Variants in SHANK2 observed in about 807,000 individuals in gnomAD.
SHANK2 encodes SH3 and multiple ankyrin repeat domains protein 2.
A neutral mutation model predicts 133.7 loss-of-function variants in SHANK2; 43 were observed. That is an observed-to-expected ratio of 0.32 (90% CI 0.25 to 0.41). The LOEUF is 0.41. Among genes scored for constraint, SHANK2 ranks in the 10% least tolerant of loss-of-function variants. The pLI, the probability that SHANK2 is intolerant of heterozygous loss-of-function variation, is 1.00. For synonymous variants in SHANK2, 1,017 were observed against 952.8 expected, an observed-to-expected ratio of 1.07 and a Z score of -1.24; for missense variants, 1,994 against 2,235.8, an observed-to-expected ratio of 0.89 and a Z score of 2.18.
At position 70,479,516 on chromosome 11, in the gene SHANK2, G is replaced by A. The variant is rs2058705311; in HGVS notation, c.4979+5798C>T. Among the ~76,000 whole-genome samples the A allele has an allele frequency of 6.6e-6, 1 of 152,202 alleles. No homozygotes were observed. Among genetic ancestry groups the A allele is most frequent in the Non-Finnish European group, 1.5e-5 (1 of 68,036 alleles). On this transcript the variant is annotated intron_variant, in intron 25 of 25. Coordinates refer to ENST00000601538, the MANE Select transcript of SHANK2 (RefSeq NM_012309.5). This position sits in a 1 kb window ranked among gnomAD's most constrained non-coding sequence, Gnocchi z 4.4. ...GGCCTCTGGGACCTGGAGTTTCACA[G>A]GACAAATCTCCCTGAAGCCCATCCA...
intron 17 of SHANK2, among the ~76,000 whole-genome samples, chr11:70,541,495 C>T (rs941807337): frequency 3.9e-4 from 60 of 152,314 alleles, no homozygotes; most frequent in Admixed American, 9.8e-4. Flanking sequence ...AGCTAGGACA[C>T]GGTGAGTGAT....
At chr11:70,636,028 C>T (rs2061074974) in intron 17 of SHANK2, among the ~76,000 whole-genome samples, 1 of 152,266 alleles carries the variant, frequency 6.6e-6, no homozygotes, top group Non-Finnish European at 1.5e-5. Context: ...GCACTCACCA[C>T]CCCGGTGCCC....
chr11:70,691,456 G>A (rs782217207), intron 15 of SHANK2, among the ~76,000 whole-genome samples: 2 of 152,124 alleles, frequency 1.3e-5, no homozygotes, highest in Non-Finnish European at 2.9e-5. Context: ...ACCTGGTTCC[G>A]GCCACCATCT....
At chr11:70,580,142 A>C (rs55822685) in intron 17 of SHANK2, among the ~76,000 whole-genome samples, 32,834 of 152,240 alleles carry the variant, frequency 0.22, 4,185 homozygotes, top group African/African-American at 0.35. Flanking sequence ...GCTGACTTCT[A>C]CAAGGCTGAG....
intron 2 of SHANK2, among the ~76,000 whole-genome samples, chr11:71,208,833 A>G (rs186523067): frequency 2.4e-4 from 37 of 152,244 alleles, no homozygotes; most frequent in African/African-American, 8.7e-4. Flanking sequence ...TAAGGCACGC[A>G]CACACACACA....
intron 14 of SHANK2, among the ~76,000 whole-genome samples, chr11:70,713,333 T>C (rs535021728): frequency 1.3e-5 from 2 of 152,360 alleles, no homozygotes; most frequent in African/African-American, 4.8e-5. Context: ...TTGTTGGTTG[T>C]ACTGCAAGAT....
At chr11:70,672,080 T>C (rs1944822763) in intron 15 of SHANK2, among the ~76,000 whole-genome samples, 1 of 151,150 alleles carries the variant, frequency 6.6e-6, no homozygotes, top group East Asian at 1.9e-4. Context: ...TTTTTTTTTT[T>C]TTAGAGGGAG....
At chr11:70,678,636 G>A (rs1372428030) in intron 15 of SHANK2, among the ~76,000 whole-genome samples, 2 of 142,972 alleles carry the variant, frequency 1.4e-5, no homozygotes, top group East Asian at 2.1e-4. Flanking sequence ...TCCACCTCCC[G>A]GGTTCAAGTG....
intron 3 of SHANK2, among the ~76,000 whole-genome samples, chr11:71,123,170 CATT>C (rs1185369962): frequency 6.6e-6 from 1 of 152,176 alleles, no homozygotes; most frequent in East Asian, 1.9e-4. Flanking sequence ...ACCTACCCAT[CATT>C]GACTCACTGT....
At chr11:70,503,207 G>A (rs1565544342) in intron 17 of SHANK2, among the ~76,000 whole-genome samples, 1 of 152,162 alleles carries the variant, frequency 6.6e-6, no homozygotes, top group Admixed American at 6.5e-5. Context: ...CACAGCTGCT[G>A]CAGAGGAAGG....
chr11:71,129,247 C>G (rs2135320197), intron 3 of SHANK2, among the ~76,000 whole-genome samples: 1 of 152,328 alleles, frequency 6.6e-6, no homozygotes. Flanking sequence ...TTTCTGCCTA[C>G]TGAGTCTTGC....
intron 17 of SHANK2, among the ~76,000 whole-genome samples, chr11:70,612,647 G>A (rs549791029): frequency 4.6e-5 from 7 of 152,264 alleles, no homozygotes; most frequent in African/African-American, 1.2e-4. Flanking sequence ...AGCGGCCCCC[G>A]GCAGCCACCT....
intron 14 of SHANK2, among the ~76,000 whole-genome samples, chr11:70,746,923 A>C (rs1400934189): frequency 4.9e-5 from 7 of 144,028 alleles, no homozygotes; most frequent in Admixed American, 6.9e-5. Context: ...GCTTCCCTCC[A>C]CCGCTGTACT....
intron 14 of SHANK2, among the ~76,000 whole-genome samples, chr11:70,768,880 C>T (rs1180804891): frequency 6.6e-6 from 1 of 152,086 alleles, no homozygotes; most frequent in African/African-American, 2.4e-5. Flanking sequence ...GCCAGGTGGG[C>T]ACCAGTGGCA....
intron 11 of SHANK2, among the ~76,000 whole-genome samples, chr11:70,893,250 G>C (rs1436197709): frequency 6.6e-6 from 1 of 152,230 alleles, no homozygotes; most frequent in Non-Finnish European, 1.5e-5. Flanking sequence ...AATGGGCAAA[G>C]ACCCGCATGC....
At chr11:70,898,320 A>G (rs12805409) in intron 10 of SHANK2, among the ~76,000 whole-genome samples, 5 of 149,016 alleles carry the variant, frequency 3.4e-5, no homozygotes, top group South Asian at 2.1e-4. Flanking sequence ...ACATATATAT[A>G]TGTGTATATA....
At position 70,819,116 on chromosome 11, in the gene SHANK2, AG is replaced by A. The variant is rs1376610294; in HGVS notation, c.1493+1247del. On this transcript the variant is annotated intron_variant, in intron 12 of 25. Coordinates refer to ENST00000601538, the MANE Select transcript of SHANK2 (RefSeq NM_012309.5). ...ACAGGAAGCATGTAGGATGGGGGCG[AG>A]GGTCAGGGGCCTCAGCACTGAATGC... 1.3e-5 allele frequency among the ~76,000 whole-genome samples: 2 copies of A among 152,222 alleles called. 1 individual carries two copies. The highest frequency in any genetic ancestry group is 6.3e-3 in the Middle Eastern group (2 of 316).
At chr11:70,822,784 G>T (rs532910100) in intron 11 of SHANK2, among the ~76,000 whole-genome samples, 13 of 123,242 alleles carry the variant, frequency 1.1e-4, no homozygotes, top group African/African-American at 4.3e-4. Context: ...GGGGACAGAG[G>T]TGGCGCTGGC....
rs188789556 is a variant in SHANK2 at position 71,108,950 on chromosome 11, G to A, written c.592+991C>T. On this transcript the variant is annotated intron_variant, in intron 6 of 25. Transcript: ENST00000601538. Reference sequence around the variant, plus strand: ...CACACCCAGCGGGCCCCCCCCCAGCGTTCAGAGGTCGAGGGGGCTCCCACA... The same window carrying A: ...CACACCCAGCGGGCCCCCCCCCAGCATTCAGAGGTCGAGGGGGCTCCCACA... Among the ~76,000 whole-genome samples the A allele has an allele frequency of 3.3e-3, 498 of 152,304 alleles. 3 individuals carry two copies. The highest frequency in any genetic ancestry group is 0.011 in the African/African-American group (464 of 41,552).
Sources: allele counts gnomAD v4.1 joint callset (sites outside exome capture counted in the v4.1 genomes callset), GRCh38; gene constraint gnomAD v4.1.1; non-coding constraint Gnocchi (gnomAD v3.1); transcripts MANE v1.5; gene names NCBI Gene and HGNC (gene_info 2026-07-23, HGNC 2026-07-21).